The following MELTF variants were observed in gnomAD, a reference collection of about 807,000 sequenced individuals.
MELTF encodes melanotransferrin.
MELTF carries 67 observed loss-of-function variants against 83.7 expected under a neutral mutation model. That is an observed-to-expected ratio of 0.80 (90% CI 0.66 to 0.98). MELTF has a LOEUF of 0.98. MELTF is among the 50% of genes least tolerant of loss of function. The pLI, the probability that MELTF is intolerant of heterozygous loss-of-function variation, is 0.00. For synonymous variants in MELTF, 462 were observed against 447.6 expected (o/e 1.03, Z -0.41); for missense variants, 1,002 against 1,035.6 (o/e 0.97, Z 0.44).
chr3:197,007,331 C>T lies in MELTF; in HGVS notation c.1751-595G>A, dbSNP rs895517529. On this transcript the variant is annotated intron_variant, in intron 13 of 15. Coordinates refer to ENST00000296350, the MANE Select transcript of MELTF (RefSeq NM_005929.6). This position sits in a 1 kb window ranked among gnomAD's most constrained non-coding sequence, Gnocchi z 4.3. Reference sequence around the variant, plus strand: ...CCACTGATTCTAAAGCAGGCGGTCTCGGGCTGCCTGAGAAAATGCTGCCCT... The same window carrying T: ...CCACTGATTCTAAAGCAGGCGGTCTTGGGCTGCCTGAGAAAATGCTGCCCT... Among the ~76,000 whole-genome samples, 7 of 152,194 alleles carry T rather than the reference C, an allele frequency of 4.6e-5. No homozygotes were observed. The highest frequency in any genetic ancestry group is 1.9e-4 in the East Asian group (1 of 5,200).
chr3:197,004,230 C>CT, intron 14 of MELTF, 131 bp from the exon 15 acceptor site: 1 of 858,324 alleles, frequency 1.2e-6, no homozygotes, highest in South Asian at 1.5e-5. Context: ...CCCCACCACT[C>CT]TGATTGGAAG....
chr3:197,011,098 C>T lies in MELTF; in HGVS notation c.1234-304G>A, dbSNP rs976736933. ...CTGAGCAAAGCAAGCGCGATCCCTA[C>T]CCTCATGCTTGGCGTGGGCCTCCCT... On this transcript the variant is annotated intron_variant, in intron 9 of 15. Coordinates refer to ENST00000296350, the MANE Select transcript of MELTF (RefSeq NM_005929.6). This position sits in a 1 kb window ranked among gnomAD's most constrained non-coding sequence, Gnocchi z 4.2. Among the ~76,000 whole-genome samples the T allele has an allele frequency of 1.3e-5, 2 of 152,230 alleles. No homozygotes were observed. Among genetic ancestry groups the T allele is most frequent in the African/African-American group, 2.4e-5 (1 of 41,464 alleles).
In MELTF at chr3:197,027,885, C is replaced by A; in HGVS notation, c.75G>T (p.Trp25Cys). The A allele has an allele frequency of 6.2e-7, 1 of 1,602,428 alleles. No individual in the cohort carries two copies. Among genetic ancestry groups the A allele is most frequent in the Non-Finnish European group, 8.5e-7 (1 of 1,175,914 alleles). Residue 25 changes from tryptophan to cysteine, a missense_variant, in exon 2 of 16, where the codon TGG (tryptophan) becomes TGT (cysteine). Trp to Cys is a radical substitution (Grantham distance 215, BLOSUM62 -2). Transcript: ENST00000296350. Reference sequence around the variant, plus strand: ...GCTGCTCTGGGTCCGAGGTGGCGCACCACCGCACCTCCATGCCACCGAGCA... The same window carrying A: ...GCTGCTCTGGGTCCGAGGTGGCGCAACACCGCACCTCCATGCCACCGAGCA... ...RTVLGGMEVR[W>C]CATSDPEQHK... is the part of the protein sequence containing the mutation.
At chr3:197,021,204 C>T (rs560953516) in intron 6 of MELTF, 200 bp downstream of exon 6, 1 of 577,932 alleles carries the variant, frequency 1.7e-6, no homozygotes, top group East Asian at 2.9e-5. Context: ...GGGCACTCCA[C>T]TGGTGACACC....
chr3:197,009,871 G>C, intron 10 of MELTF, 59 bp from the exon 11 acceptor site: 1 of 1,471,734 alleles, frequency 6.8e-7, no homozygotes, highest in Admixed American at 1.7e-5. Flanking sequence ...GCAAGTGCCT[G>C]GGGGGGTCCT....
intron 6 of MELTF, among the ~76,000 whole-genome samples, chr3:197,017,611 C>T (rs1384292890): frequency 6.6e-6 from 1 of 152,266 alleles, no homozygotes; most frequent in Admixed American, 6.5e-5. Flanking sequence ...GGCGTGGTGG[C>T]TCACGCCTGT....
rs749992290 is a variant in MELTF at position 197,027,808 on chromosome 3, G to T, written c.152C>A (p.Ser51Tyr). The T allele has an allele frequency of 4.3e-6, 7 of 1,611,130 alleles. No homozygotes were observed. The African/African-American group carries it at 8.0e-5, about 18-fold the overall frequency. Residue 51 changes from serine to tyrosine, a missense_variant, in exon 2 of 16, where the codon TCC (serine) becomes TAC (tyrosine). Ser to Tyr is a moderately radical substitution (Grantham distance 144, BLOSUM62 -2). Coordinates refer to ENST00000296350, the MANE Select transcript of MELTF (RefSeq NM_005929.6). Reference protein sequence around the residue: ...EAFREAGIQPSLLCVRGTSAD... With the variant: ...EAFREAGIQPYLLCVRGTSAD... Reference sequence around the variant, plus strand: ...GGAGGTGCCCCGGACGCAGAGGAGGGAGGGCTGGATGCCCGCTTCCCGGAA... The same window carrying T: ...GGAGGTGCCCCGGACGCAGAGGAGGTAGGGCTGGATGCCCGCTTCCCGGAA...
Position 197,009,698 on chromosome 3 carries a change from C to T in MELTF, c.1445G>A (p.Ser482Asn). The change falls in exon 11 of 16, where the codon AGC becomes AAC. Residue 482 changes from serine (S) to asparagine (N), a missense_variant. Ser to Asn is a conservative substitution (Grantham distance 46, BLOSUM62 1). Transcript: ENST00000296350. ...CACGGGGACATCCCAGCCTGCAGGG[C>T]TGCCGAAACCGGCGTGGCAGGAGCG... Reference protein sequence around the residue: ...GKRSCHAGFGSPAGWDVPVGA... With the variant: ...GKRSCHAGFGNPAGWDVPVGA... The T allele has an allele frequency of 3.1e-6, 5 of 1,613,818 alleles. No homozygotes were observed. Among genetic ancestry groups the T allele is most frequent in the Non-Finnish European group, 4.2e-6 (5 of 1,180,046 alleles).
In MELTF at chr3:197,010,689, T is replaced by C. The variant is rs529390397; in HGVS notation, c.1330+9A>G. 1.5e-5 allele frequency: 24 copies of C among 1,609,862 alleles called. 1 individual carries two copies. In the South Asian group the frequency reaches 2.4e-4, roughly 16 times the overall value. On this transcript the variant is annotated intron_variant, in intron 10 of 15. Transcript: ENST00000296350. ...CCGGCTGAGGCCAGGCGGCAGGCCC[T>C]GCACTCACGGGCATAGTGCTCCCCG...
At position 197,008,996 on chromosome 3, in the gene MELTF, G is replaced by C. The variant is rs1719082944; in HGVS notation, c.1526-31C>G. On this transcript the variant is annotated intron_variant, in intron 11 of 15. Transcript: ENST00000296350. This position sits in a 1 kb window ranked among gnomAD's most constrained non-coding sequence, Gnocchi z 5.4. ...GTGGAGGGAAGGGCAATGATGAGGG[G>C]CCAGCAGTGGAAAGTGTGGGAGGGA... The C allele has an allele frequency of 6.2e-7, 1 of 1,611,720 alleles. No homozygotes were observed. Among genetic ancestry groups the C allele is most frequent in the Non-Finnish European group, 8.5e-7 (1 of 1,178,772 alleles).
chr3:197,010,582 C>G, intron 10 of MELTF, 116 bp downstream of exon 10: 1 of 844,934 alleles, frequency 1.2e-6, no homozygotes, highest in South Asian at 1.6e-5. Context: ...CAGGCAGCCA[C>G]TATCCCCAGG....
In MELTF at chr3:197,015,352, G is replaced by A. The variant is rs1256083377; in HGVS notation, c.1233+13C>T. 2 of 1,547,596 alleles carry A rather than the reference G, an allele frequency of 1.3e-6. No homozygotes were observed. The highest frequency in any genetic ancestry group is 1.7e-6 in the Non-Finnish European group (2 of 1,143,666). ...CGCCCACCTGGCCCACGCTGCACCTGCGTGACTCCCACCTGGATCCGCTCC... is the reference window on the plus strand; with the variant it reads ...CGCCCACCTGGCCCACGCTGCACCTACGTGACTCCCACCTGGATCCGCTCC... On this transcript the variant is annotated intron_variant, in intron 9 of 15. Coordinates refer to ENST00000296350, the MANE Select transcript of MELTF (RefSeq NM_005929.6).
intron 7 of MELTF, among the ~76,000 whole-genome samples, chr3:197,016,822 C>T (rs1451402911): frequency 1.3e-5 from 2 of 152,192 alleles, no homozygotes; most frequent in Non-Finnish European, 2.9e-5. Context: ...TTTATTTGCT[C>T]ATATGTTTTG....
chr3:197,017,421 G>T, intron 6 of MELTF, 131 bp from the exon 7 acceptor site: 1 of 830,050 alleles, frequency 1.2e-6, no homozygotes, highest in Non-Finnish European at 1.8e-6. Flanking sequence ...TCAGAAGGTG[G>T]CAGAGCTTGG....
intron 1 of MELTF, 181 bp from the exon 2 acceptor site, chr3:197,028,091 G>T: frequency 1.5e-6 from 1 of 675,446 alleles, no homozygotes; most frequent in Non-Finnish European, 2.5e-6. Context: ...TGGTATTCCT[G>T]TGCTCAGGGC....
At position 197,003,903 on chromosome 3, in the gene MELTF, G is replaced by A; in HGVS notation, c.2135C>T (p.Ala712Val). The change falls in exon 15 of 16, where the codon GCA (alanine) becomes GTA (valine). Residue 712 changes from alanine (A) to valine (V), a missense_variant and splice_region_variant. Ala to Val is a moderately conservative substitution (Grantham distance 64). Coordinates refer to ENST00000296350, the MANE Select transcript of MELTF (RefSeq NM_005929.6). This position sits in a 1 kb window ranked among gnomAD's most constrained non-coding sequence, Gnocchi z 6.2. ...EGMSSQQCSG[A>V]AAPAPGAPLL... is the part of the protein sequence containing the mutation. ...GCGGCAGGGCGGGCCTGTCCTACCT[G>A]CGCCCGAGCACTGCTGAGACGACAT... is the stretch of plus-strand genomic sequence containing the variant. The A allele has an allele frequency of 6.2e-7, 1 of 1,613,230 alleles. No homozygotes were observed. Among genetic ancestry groups the A allele is most frequent in the Non-Finnish European group, 8.5e-7 (1 of 1,179,854 alleles).
At chr3:197,016,992 C>T in intron 7 of MELTF, 111 bp downstream of exon 7, 4 of 1,243,650 alleles carry the variant, frequency 3.2e-6, no homozygotes, top group Non-Finnish European at 4.5e-6. Context: ...TGGGGTCCGT[C>T]CCAAGGACAG....
intron 14 of MELTF, 153 bp from the exon 15 acceptor site, chr3:197,004,252 A>G: frequency 1.3e-6 from 1 of 751,510 alleles, no homozygotes; most frequent in Non-Finnish European, 2.3e-6. Flanking sequence ...CATAAGCTTG[A>G]CAACTGATTG....
rs1008158198 is a variant in MELTF, at chr3:197,003,659, C to T, written c.2138-208G>A. On this transcript the variant is annotated intron_variant, in intron 15 of 15. Transcript: ENST00000296350. The surrounding 1 kb of genome is among the most constrained non-coding windows in gnomAD (Gnocchi z 6.2). ...GTCTCTGCCGTGGCCCCAGATCCTC[C>T]CCGCGCCGCCGTTTTGAGCGTTCAC... 1.5e-5 allele frequency: 10 copies of T among 664,118 alleles called. No individual in the cohort carries two copies. The highest frequency in any genetic ancestry group is 2.5e-5 in the Non-Finnish European group (10 of 400,254). The allele number at this position is 664,118 out of a possible 1,614,324, so 41.1% of individuals were successfully genotyped here.
Sources: gnomAD v4.1 joint callset for allele counts (sites outside exome capture counted in the v4.1 genomes callset) on GRCh38, gnomAD v4.1.1 for gene constraint, Gnocchi (gnomAD v3.1) non-coding constraint, MANE v1.5 for transcripts, NCBI Gene and HGNC (gene_info 2026-07-23, HGNC 2026-07-21) for gene names.